CD109: variants seen among roughly 807,000 people sequenced by gnomAD.
CD109 encodes the protein CD109 antigen.
Under a neutral mutation model 165.8 loss-of-function variants are expected in CD109, and 149 were observed. The ratio of observed to expected loss-of-function variants is 0.90; its 90% CI spans 0.79 to 1.03. The LOEUF (loss-of-function observed/expected upper bound fraction) is 1.03. Ranked by LOEUF, CD109 falls within the 50% of genes least tolerant of loss-of-function variation. CD109 has a pLI of 0.00. For synonymous variants in CD109, 585 were observed against 592.1 expected (o/e 0.99, Z 0.18); for missense variants, 1,712 against 1,677.8 (o/e 1.02, Z -0.36).
At chr6:73,681,677 A>T in the CD109 span, among the ~76,000 whole-genome samples, 1 of 151,942 alleles carries the variant, frequency 6.6e-6, no homozygotes, top group East Asian at 1.9e-4. Context: ...ATCTGGGCTC[A>T]CTACAACTTC....
chr6:73,808,367 C>A, intron 26 of CD109, 119 bp downstream of exon 26: 1 of 982,034 alleles, frequency 1.0e-6, no homozygotes, highest in Non-Finnish European at 1.5e-6. Context: ...AAAAGTAAAA[C>A]ACATAATGAG....
chr6:73,792,489 A>G, intron 22 of CD109, 137 bp from the exon 23 acceptor site: 2 of 760,924 alleles, frequency 2.6e-6, no homozygotes, highest in Non-Finnish European at 2.2e-6. Context: ...GTAAAGTTCC[A>G]ACTCTGTTCC....
intron 15 of CD109, 84 bp downstream of exon 15, chr6:73,771,665 G>C: frequency 1.1e-6 from 1 of 940,804 alleles, no homozygotes; most frequent in Non-Finnish European, 1.5e-6. Context: ...AATATTTAAA[G>C]AAAATTTCAT....
chr6:73,728,156 A>C (rs187246608), intron 3 of CD109, among the ~76,000 whole-genome samples: 199 of 152,240 alleles, frequency 1.3e-3, no homozygotes, highest in Middle Eastern at 0.01. Context: ...CCTTTTCTCT[A>C]CTAAAAATAC....
intron 4 of CD109, among the ~76,000 whole-genome samples, chr6:73,732,552 A>T (rs1772404788): frequency 6.6e-6 from 1 of 152,206 alleles, no homozygotes; most frequent in Non-Finnish European, 1.5e-5. Context: ...ATCCACATAT[A>T]TGGAGAGCTT....
At chr6:73,780,132 C>A (rs1169707673) in intron 15 of CD109, among the ~76,000 whole-genome samples, 1 of 151,852 alleles carries the variant, frequency 6.6e-6, no homozygotes, top group African/African-American at 2.4e-5. Context: ...TAATGCTGAC[C>A]TCTGCCTGTT....
intron 2 of CD109, among the ~76,000 whole-genome samples, chr6:73,719,716 A>G (rs1771875454): frequency 6.6e-6 from 1 of 152,162 alleles, no homozygotes; most frequent in Admixed American, 6.5e-5. Flanking sequence ...CCGTATTGCA[A>G]TGTTTAAATG....
chr6:73,800,376 T>C (rs1359287646), intron 23 of CD109, among the ~76,000 whole-genome samples: 4 of 152,204 alleles, frequency 2.6e-5, no homozygotes, highest in African/African-American at 4.8e-5. Flanking sequence ...ATTGTTTCCA[T>C]TATGTTACAA....
the CD109 span, among the ~76,000 whole-genome samples, chr6:73,685,487 A>G: frequency 6.6e-6 from 1 of 152,196 alleles, no homozygotes; most frequent in Admixed American, 6.5e-5. Context: ...TACAACATCA[A>G]TGAATTTATT....
At chr6:73,810,897 G>T (rs1775731815) in intron 27 of CD109, 95 bp from the exon 28 acceptor site, 1 of 1,208,634 alleles carries the variant, frequency 8.3e-7, no homozygotes, top group Admixed American at 2.1e-5. Flanking sequence ...CTGAAGGAAG[G>T]TGTATGAATA....
chr6:73,811,188 A>G lies in CD109; in HGVS notation c.3702+41A>G, dbSNP rs146227442. The G allele has an allele frequency of 6.8e-5, 107 of 1,584,390 alleles. No homozygotes were observed. In the African/African-American group the frequency reaches 1.2e-3, roughly 18 times the overall value. On this transcript the variant is annotated intron_variant, in intron 28 of 32. Transcript: ENST00000287097. The stretch of plus-strand genomic sequence containing the variant: ...AGTTATTTAAAAATCAGTGTAGACA[A>G]TTCTTTATGCTGGAATACTGCTTTA...
intron 23 of CD109, among the ~76,000 whole-genome samples, chr6:73,800,501 T>A (rs1775323990): frequency 6.6e-6 from 1 of 152,158 alleles, no homozygotes; most frequent in South Asian, 2.1e-4. Context: ...GGTAAAGACA[T>A]TCCCCTACAT....
At chr6:73,742,534 C>A (rs1222905560) in intron 5 of CD109, among the ~76,000 whole-genome samples, 1 of 152,246 alleles carries the variant, frequency 6.6e-6, no homozygotes, top group Admixed American at 6.5e-5. Context: ...CTGGCCAGAG[C>A]AGTGCAGCCT....
chr6:73,712,398 G>A (rs1771572900), intron 2 of CD109, among the ~76,000 whole-genome samples: 1 of 152,208 alleles, frequency 6.6e-6, no homozygotes, highest in Non-Finnish European at 1.5e-5. Context: ...ATAAGACTGA[G>A]TAGCAAAAGG....
chr6:73,751,089 T>C (rs948285678), intron 5 of CD109, among the ~76,000 whole-genome samples: 4 of 152,140 alleles, frequency 2.6e-5, no homozygotes, highest in African/African-American at 7.2e-5. Context: ...CCAGACTGAA[T>C]TGGGTGGAGG....
intron 5 of CD109, among the ~76,000 whole-genome samples, chr6:73,756,287 T>C (rs1418349284): frequency 2.0e-5 from 3 of 152,254 alleles, no homozygotes; most frequent in African/African-American, 7.2e-5. Context: ...GTTTGACCTG[T>C]GTTATCTTTG....
rs200666210 is a variant in CD109, at chr6:73,762,808, G to A, written c.923G>A (p.Gly308Glu). 6.2e-7 allele frequency: 1 copy of A among 1,611,180 alleles called. No homozygotes were observed. Among genetic ancestry groups the A allele is most frequent in the Non-Finnish European group, 8.5e-7 (1 of 1,177,750 alleles). The change falls in exon 9 of 33, where the codon GGA becomes GAA. Residue 308 changes from glycine to glutamate, a missense_variant. Gly to Glu is a moderately conservative substitution (Grantham distance 98). Transcript: ENST00000287097. The part of the protein sequence containing the change: ...EMKNVMDSSN[G>E]LSEYLDLSSP... ...AAAAATGTAATGGATTCTTCAAATG[G>A]ACTTTCTGAATACCTGGATCTATCT...
At chr6:73,790,405 T>C (rs1391530115) in intron 22 of CD109, among the ~76,000 whole-genome samples, 1 of 152,222 alleles carries the variant, frequency 6.6e-6, no homozygotes, top group Non-Finnish European at 1.5e-5. Context: ...CTAAAAGTAC[T>C]TTTTAATTAG....
intron 26 of CD109, among the ~76,000 whole-genome samples, chr6:73,808,544 A>C (rs1208605517): frequency 2.0e-5 from 3 of 152,084 alleles, no homozygotes; most frequent in Non-Finnish European, 4.4e-5. Context: ...TAGTTTGCTA[A>C]GACCTTGGGT....
Sources: allele counts gnomAD v4.1 joint callset (sites outside exome capture counted in the v4.1 genomes callset), GRCh38; gene constraint gnomAD v4.1.1; transcripts MANE v1.5; gene names NCBI Gene and HGNC (gene_info 2026-07-23, HGNC 2026-07-21).